The following OSBP2 variants were observed in gnomAD, a reference collection of about 807,000 sequenced individuals.
OSBP2 encodes the protein oxysterol-binding protein 2.
A neutral mutation model predicts 96.0 loss-of-function variants in OSBP2; 66 were observed. The ratio of observed to expected loss-of-function variants is 0.69; its 90% CI spans 0.56 to 0.84. OSBP2 has a LOEUF of 0.84. OSBP2 is among the 40% of genes least tolerant of loss of function. The pLI, the probability that OSBP2 is intolerant of heterozygous loss-of-function variation, is 0.00. For synonymous variants in OSBP2, 525 were observed against 520.9 expected, an observed-to-expected ratio of 1.01 and a Z score of -0.11; for missense variants, 1,038 against 1,222.7, an observed-to-expected ratio of 0.85 and a Z score of 2.25.
chr22:30,809,808 G>A (rs765644391), intron 2 of OSBP2, among the ~76,000 whole-genome samples: 1 of 152,194 alleles, frequency 6.6e-6, no homozygotes, highest in African/African-American at 2.4e-5. Flanking sequence ...GTGGCTGGTC[G>A]AGGTGGAGAA....
At chr22:30,857,346 G>A (rs967939161) in intron 2 of OSBP2, among the ~76,000 whole-genome samples, 2 of 152,152 alleles carry the variant, frequency 1.3e-5, no homozygotes, top group Non-Finnish European at 2.9e-5. Context: ...AGCAAACACC[G>A]AGGCCCAGGG....
chr22:30,828,916 G>A (rs1213476794), intron 2 of OSBP2, among the ~76,000 whole-genome samples: 2 of 152,182 alleles, frequency 1.3e-5, no homozygotes, highest in African/African-American at 4.8e-5. Context: ...GTGCTGGACT[G>A]GAAGGGCCTG....
At chr22:30,843,201 G>A (rs2038791419) in intron 2 of OSBP2, among the ~76,000 whole-genome samples, 1 of 152,166 alleles carries the variant, frequency 6.6e-6, no homozygotes, top group Admixed American at 6.5e-5. Context: ...ATCCTGGAGG[G>A]TTGGAATCAA....
At chr22:30,717,387 T>G (rs1305618827) in intron 1 of OSBP2, among the ~76,000 whole-genome samples, 1 of 152,234 alleles carries the variant, frequency 6.6e-6, no homozygotes. Context: ...CTGAGTCATC[T>G]TGGCATCCTT....
chr22:30,829,472 T>C (rs1011234447), intron 2 of OSBP2, among the ~76,000 whole-genome samples: 7 of 152,128 alleles, frequency 4.6e-5, no homozygotes, highest in African/African-American at 1.7e-4. Context: ...TTTGTATTTT[T>C]AGTAGAGATG....
At position 30,708,478 on chromosome 22, in the gene OSBP2, A is replaced by ATTTTTTTTTTTTTTT. The variant is rs56361178; in HGVS notation, c.644+12939_644+12953dup. ...CAGTATATATCTCTAAAGGATAAGG[A>ATTTTTTTTTTTTTTT]TTTTTTTTTTTTTTTTTTTTTTTTT... is the stretch of plus-strand genomic sequence containing the variant. On this transcript the variant is annotated intron_variant, in intron 1 of 13. Transcript: ENST00000332585. 4.7e-5 allele frequency among the ~76,000 whole-genome samples: 3 copies of ATTTTTTTTTTTTTTT among 63,476 alleles called. 1 individual carries two copies. Among genetic ancestry groups the ATTTTTTTTTTTTTTT allele is most frequent in the Non-Finnish European group, 8.0e-5 (3 of 37,354 alleles). The allele number at this position is 63,476 out of a possible 152,430, so 41.6% of individuals were successfully genotyped here.
At chr22:30,814,430 T>C (rs1427103269) in intron 2 of OSBP2, among the ~76,000 whole-genome samples, 2 of 122,444 alleles carry the variant, frequency 1.6e-5, no homozygotes, top group East Asian at 2.7e-4. Context: ...TATTATCTCG[T>C]TGGGTTTTTT....
At chr22:30,772,612 C>T (rs931814575) in intron 2 of OSBP2, among the ~76,000 whole-genome samples, 2 of 152,128 alleles carry the variant, frequency 1.3e-5, no homozygotes, top group African/African-American at 2.4e-5. Context: ...TGGCTCTGGG[C>T]GAGCCTGGGA....
intron 2 of OSBP2, among the ~76,000 whole-genome samples, chr22:30,838,225 G>A (rs551426618): frequency 6.6e-5 from 10 of 152,280 alleles, no homozygotes; most frequent in South Asian, 4.1e-4. Flanking sequence ...TGCACATCCC[G>A]AGCATGCAGC....
At chr22:30,828,176 A>G (rs1030435895) in intron 2 of OSBP2, among the ~76,000 whole-genome samples, 6 of 152,194 alleles carry the variant, frequency 3.9e-5, no homozygotes, top group African/African-American at 1.4e-4. Context: ...TGCCAGATGG[A>G]GGTCTCGAAT....
At chr22:30,843,873 ATTTT>A (rs760334311) in intron 2 of OSBP2, among the ~76,000 whole-genome samples, 1 of 139,594 alleles carries the variant, frequency 7.2e-6, no homozygotes, top group Admixed American at 7.2e-5. Flanking sequence ...GTCTCAAACA[ATTTT>A]TTTTTTTTTT....
intron 1 of OSBP2, among the ~76,000 whole-genome samples, chr22:30,709,099 T>C (rs899939289): frequency 2.0e-5 from 3 of 151,798 alleles, no homozygotes; most frequent in Non-Finnish European, 2.9e-5. Context: ...AAACTCCATC[T>C]CAAAAATAAT....
intron 2 of OSBP2, among the ~76,000 whole-genome samples, chr22:30,791,659 G>A (rs551330897): frequency 6.6e-6 from 1 of 152,238 alleles, no homozygotes; most frequent in East Asian, 1.9e-4. Context: ...AATCAGTCCT[G>A]TCTCTTTAAT....
At chr22:30,804,862 A>T (rs915961891) in intron 2 of OSBP2, among the ~76,000 whole-genome samples, 4 of 152,248 alleles carry the variant, frequency 2.6e-5, no homozygotes, top group African/African-American at 9.6e-5. Context: ...TCATAAAAAT[A>T]TGAAGTCCAG....
intron 1 of OSBP2, among the ~76,000 whole-genome samples, chr22:30,709,670 C>A: frequency 6.6e-6 from 1 of 151,836 alleles, no homozygotes; most frequent in Non-Finnish European, 1.5e-5. Context: ...CATGAGCCAC[C>A]GCACCTGGCC....
At position 30,695,154 on chromosome 22, in the gene OSBP2, C is replaced by T; in HGVS notation, c.245C>T (p.Pro82Leu). 1 of 1,609,876 alleles carries T rather than the reference C, an allele frequency of 6.2e-7. No homozygotes were observed. The highest frequency in any genetic ancestry group is 8.5e-7 in the Non-Finnish European group (1 of 1,177,652). Reference protein sequence around the residue: ...AVSEAVPRSEPVSETTSEPEP... With the variant: ...AVSEAVPRSELVSETTSEPEP... Reference sequence around the variant, plus strand: ...TCGGAGGCAGTGCCAAGATCGGAACCTGTGTCCGAGACGACGTCTGAGCCG... The same window carrying T: ...TCGGAGGCAGTGCCAAGATCGGAACTTGTGTCCGAGACGACGTCTGAGCCG... The change falls in exon 1 of 14, where the codon CCT becomes CTT. Residue 82 changes from proline to leucine, a missense_variant. Physicochemically the swap from Pro to Leu is moderately conservative, Grantham distance 98 (BLOSUM62 -3). Around this residue, in one of 3 missense-constraint regions of OSBP2, gnomAD observed 281 missense variants for 273.4 expected, o/e 1.03. Coordinates refer to ENST00000332585, the MANE Select transcript of OSBP2 (RefSeq NM_030758.4).
chr22:30,694,067 A>T (rs1569084353), upstream of OSBP2: 1 of 1,515,840 alleles, frequency 6.6e-7, no homozygotes, highest in Non-Finnish European at 8.8e-7. Flanking sequence ...AAAAATGCAC[A>T]GACAGGTAAA....
Position 30,722,751 on chromosome 22 carries a change from CTCTT to C in OSBP2, c.645-18404_645-18401del, listed in dbSNP as rs745350435. 1.6e-3 allele frequency among the ~76,000 whole-genome samples: 229 copies of C among 138,882 alleles called. 2 individuals carry two copies. The highest frequency in any genetic ancestry group is 3.5e-3 in the Admixed American group (47 of 13,444). 91.1% of individuals were successfully genotyped at this position (138,882 alleles called of 152,430 possible). On this transcript the variant is annotated intron_variant, in intron 1 of 13. Coordinates refer to ENST00000332585, the MANE Select transcript of OSBP2 (RefSeq NM_030758.4). ...TCTTTCTCCTTCCTTCTCTTTCTCT[CTCTT>C]TCTTTTTCTTTCTTTCTTTCTCTCT...
chr22:30,753,421 T>C (rs986768642), intron 2 of OSBP2, among the ~76,000 whole-genome samples: 5 of 152,130 alleles, frequency 3.3e-5, no homozygotes, highest in Non-Finnish European at 5.9e-5. Context: ...CTGGGCATCA[T>C]AGTCAGACTG....
Sources: allele counts gnomAD v4.1 joint callset (sites outside exome capture counted in the v4.1 genomes callset), GRCh38; gene constraint gnomAD v4.1.1; regional missense constraint gnomAD v4.1.1; transcripts MANE v1.5; gene names NCBI Gene and HGNC (gene_info 2026-07-23, HGNC 2026-07-21).